Variants in MDGA2 observed in about 807,000 individuals in gnomAD.
MDGA2 encodes the protein MAM domain containing glycosylphosphatidylinositol anchor 2, also known as MAM domain-containing glycosylphosphatidylinositol anchor protein 2.
MDGA2 carries 40 observed loss-of-function variants against 117.8 expected under a neutral mutation model. The ratio of observed to expected loss-of-function variants is 0.34; its 90% CI spans 0.26 to 0.44. The LOEUF (loss-of-function observed/expected upper bound fraction) is 0.44, where lower values mean the gene tolerates loss of function less well. Ranked by LOEUF, MDGA2 falls within the 20% of genes least tolerant of loss-of-function variation. The pLI is 1.00. For missense variants in MDGA2, 1,123 were observed against 1,250.6 expected, an observed-to-expected ratio of 0.90 and a Z score of 1.54; for synonymous variants, 452 against 439.0, an observed-to-expected ratio of 1.03 and a Z score of -0.37.
At position 46,946,925 on chromosome 14, in the gene MDGA2, GC is replaced by G. The variant is rs113670878; in HGVS notation, c.2089+10448del. On this transcript the variant is annotated intron_variant, in intron 9 of 16. Transcript: ENST00000399232. Reference sequence around the variant, plus strand: ...TTCCCCTTATATCCTCATAAGACCTGCCCCTTATGTCATATTGGCATTGACT... The same window carrying G: ...TTCCCCTTATATCCTCATAAGACCTGCCCTTATGTCATATTGGCATTGACT... Among the ~76,000 whole-genome samples, 364 of 152,080 alleles carry G rather than the reference GC, an allele frequency of 2.4e-3. 4 individuals carry two copies. The highest frequency in any genetic ancestry group is 8.3e-3 in the African/African-American group (345 of 41,508).
chr14:47,374,186 CCAA>C (rs1891426913), intron 1 of MDGA2, among the ~76,000 whole-genome samples: 1 of 152,012 alleles, frequency 6.6e-6, no homozygotes, highest in Admixed American at 6.6e-5. Flanking sequence ...ATATAATACA[CCAA>C]CATTTCCCCC....
rs1252769956 is a variant in MDGA2 at position 47,245,189 on chromosome 14, A to G, written c.421-26994T>C. On this transcript the variant is annotated intron_variant, in intron 2 of 16. Transcript: ENST00000399232. ...CAGGCACATGCCATCATGCCTCACT[A>G]ATTTTTAAATTTTCTTCTGTAGAGA... is the stretch of plus-strand genomic sequence containing the variant. Among the ~76,000 whole-genome samples, 3 of 151,412 alleles carry G rather than the reference A, an allele frequency of 2.0e-5. 1 individual carries two copies. The highest frequency in any genetic ancestry group is 4.4e-5 in the Non-Finnish European group (3 of 67,678).
chr14:47,036,506 C>A (rs1476065433), intron 7 of MDGA2, among the ~76,000 whole-genome samples: 2 of 152,124 alleles, frequency 1.3e-5, no homozygotes, highest in Non-Finnish European at 2.9e-5. Context: ...ATTTCCTACA[C>A]AATTGTATAT....
intron 9 of MDGA2, among the ~76,000 whole-genome samples, chr14:46,935,734 C>T (rs1236467782): frequency 6.6e-6 from 1 of 152,116 alleles, no homozygotes; most frequent in African/African-American, 2.4e-5. Context: ...CTGTCTTCAC[C>T]TTCACCATCA....
intron 1 of MDGA2, among the ~76,000 whole-genome samples, chr14:47,514,916 C>T (rs1339657706): frequency 2.6e-5 from 4 of 152,112 alleles, no homozygotes; most frequent in Admixed American, 6.5e-5. Flanking sequence ...GGCCCTGTCC[C>T]ATCTCCTGTG....
intron 8 of MDGA2, among the ~76,000 whole-genome samples, 179 bp downstream of exon 8, chr14:47,034,832 T>C (rs1287830783): frequency 1.3e-5 from 2 of 152,064 alleles, no homozygotes; most frequent in Non-Finnish European, 2.9e-5. Flanking sequence ...GGGTAGATTA[T>C]AGTTTAAATT....
intron 14 of MDGA2, among the ~76,000 whole-genome samples, chr14:46,868,475 T>G (rs1881866370): frequency 6.6e-6 from 1 of 151,658 alleles, no homozygotes; most frequent in Admixed American, 6.6e-5. Context: ...CAAGAGAGCT[T>G]TACCCGAAAA....
chr14:47,343,275 G>A, intron 1 of MDGA2: 1 of 1,134,148 alleles, frequency 8.8e-7, no homozygotes, highest in Non-Finnish European at 1.1e-6. Context: ...ATTACATCAG[G>A]AAGGCAATGT....
intron 1 of MDGA2, among the ~76,000 whole-genome samples, chr14:47,389,709 T>G (rs1490578126): frequency 6.6e-6 from 1 of 151,860 alleles, no homozygotes; most frequent in Non-Finnish European, 1.5e-5. Flanking sequence ...ACCGCCCTAC[T>G]TTGCAGTCCT....
At chr14:47,386,230 G>A (rs937948802) in intron 1 of MDGA2, among the ~76,000 whole-genome samples, 1 of 152,040 alleles carries the variant, frequency 6.6e-6, no homozygotes, top group Non-Finnish European at 1.5e-5. Context: ...GCAGTGAGCC[G>A]AGATCGCACC....
intron 1 of MDGA2, 75 bp from the exon 2 acceptor site, chr14:47,301,625 T>G (rs1889288864): frequency 6.8e-7 from 1 of 1,476,644 alleles, no homozygotes; most frequent in Non-Finnish European, 9.2e-7. Context: ...CCATCTTGAC[T>G]ATAAAAGCAA....
At chr14:46,911,188 A>G (rs1883687854) in intron 10 of MDGA2, among the ~76,000 whole-genome samples, 1 of 152,244 alleles carries the variant, frequency 6.6e-6, no homozygotes, top group South Asian at 2.1e-4. Flanking sequence ...TATGATATCT[A>G]AACTATCACC....
chr14:47,336,719 C>A (rs897177836), intron 1 of MDGA2, among the ~76,000 whole-genome samples: 3 of 151,746 alleles, frequency 2.0e-5, no homozygotes, highest in Non-Finnish European at 4.4e-5. Flanking sequence ...AAAAGTAGGC[C>A]CCCTCAAGAT....
chr14:46,862,192 T>G (rs920815608), intron 14 of MDGA2, among the ~76,000 whole-genome samples: 1 of 151,728 alleles, frequency 6.6e-6, no homozygotes, highest in Non-Finnish European at 1.5e-5. Flanking sequence ...AACTCAAACT[T>G]TTTCTTTTCC....
chr14:47,315,884 GT>G lies in MDGA2; in HGVS notation c.281-14335del, dbSNP rs969506866. Among the ~76,000 whole-genome samples the G allele has an allele frequency of 3.6e-3, 518 of 145,528 alleles. 2 individuals are homozygous for G. Among genetic ancestry groups the G allele is most frequent in the African/African-American group, 0.01 (410 of 39,844 alleles). ...TTTCAATAATAATTTTCTGCCACAA[GT>G]TTTTTTTTTTCACATCTGCCTAATG... On this transcript the variant is annotated intron_variant, in intron 1 of 16. Transcript: ENST00000399232.
At chr14:47,276,802 T>C (rs1888325459) in intron 2 of MDGA2, among the ~76,000 whole-genome samples, 2 of 152,160 alleles carry the variant, frequency 1.3e-5, no homozygotes, top group Non-Finnish European at 2.9e-5. Flanking sequence ...ACAACAGCAA[T>C]TTATTTTTTC....
intron 3 of MDGA2, among the ~76,000 whole-genome samples, chr14:47,197,322 T>C (rs1885323252): frequency 6.6e-6 from 1 of 151,996 alleles, no homozygotes; most frequent in South Asian, 2.1e-4. Context: ...GGGATTAGCA[T>C]CCTTTTAAGA....
intron 1 of MDGA2, among the ~76,000 whole-genome samples, chr14:47,475,068 T>C (rs757729730): frequency 6.6e-6 from 1 of 152,062 alleles, no homozygotes; most frequent in Non-Finnish European, 1.5e-5. Context: ...GGGAGAAAAT[T>C]TTTGCAATCT....
chr14:47,570,815 C>T (rs543942503), intron 1 of MDGA2, among the ~76,000 whole-genome samples: 1 of 152,200 alleles, frequency 6.6e-6, no homozygotes, highest in South Asian at 2.1e-4. Flanking sequence ...AGAAGAAAAC[C>T]TAGGCAATAC....
Sources: gnomAD v4.1 joint callset for allele counts (sites outside exome capture counted in the v4.1 genomes callset) on GRCh38, gnomAD v4.1.1 for gene constraint, MANE v1.5 for transcripts, NCBI Gene and HGNC (gene_info 2026-07-23, HGNC 2026-07-21) for gene names.